Variants in CPA3 observed in about 807,000 individuals in gnomAD.
The protein encoded by CPA3 is mast cell carboxypeptidase A.
Under a neutral mutation model 55.8 loss-of-function variants are expected in CPA3, and 52 were observed. The ratio of observed to expected loss-of-function variants is 0.93; its 90% CI spans 0.75 to 1.17. The LOEUF is 1.17. Among genes scored for constraint, CPA3 ranks in the 50% most tolerant of loss-of-function variants. The pLI is 0.00. For missense variants in CPA3, 547 were observed against 509.1 expected (o/e 1.07, Z -0.72); for synonymous variants, 179 against 171.2 (o/e 1.05, Z -0.36).
intron 3 of CPA3, among the ~76,000 whole-genome samples, chr3:148,875,180 A>G (rs1006940763): frequency 9.9e-5 from 15 of 152,166 alleles, no homozygotes; most frequent in African/African-American, 3.6e-4. Flanking sequence ...TGTCCCAAAG[A>G]CTAGAGTGAA....
At chr3:148,892,851 G>T (rs572357995) in intron 10 of CPA3, among the ~76,000 whole-genome samples, 7 of 37,580 alleles carry the variant, frequency 1.9e-4, no homozygotes, top group African/African-American at 2.7e-4. Flanking sequence ...GGTGGCAGGC[G>T]CCTGTAGAGA....
intron 10 of CPA3, among the ~76,000 whole-genome samples, chr3:148,888,533 G>A (rs1486345516): frequency 1.3e-5 from 2 of 152,196 alleles, no homozygotes; most frequent in Non-Finnish European, 2.9e-5. Context: ...TGGACAAAAA[G>A]TAAGCAAAGT....
In CPA3 at chr3:148,879,834, G is replaced by A. The variant is rs1241362694; in HGVS notation, c.521G>A (p.Gly174Asp). ...ERRKAIFTDC[G>D]IHAREWVSPA... ...AGAAAGGCTATTTTTACGGATTGTG[G>A]CATTCACGCACGAGAATGGGTCTCC... The change falls in exon 6 of 11, where the codon GGC becomes GAC. Residue 174 changes from glycine (G) to aspartate (D), a missense_variant. Coordinates refer to ENST00000296046, the MANE Select transcript of CPA3 (RefSeq NM_001870.4). 2 of 1,612,670 alleles carry A rather than the reference G, an allele frequency of 1.2e-6. No individual in the cohort carries two copies. Among genetic ancestry groups the A allele is most frequent in the South Asian group, 1.1e-5 (1 of 91,012 alleles).
At chr3:148,869,411 G>A (rs1190979276) in intron 3 of CPA3, among the ~76,000 whole-genome samples, 1 of 151,970 alleles carries the variant, frequency 6.6e-6, no homozygotes, top group African/African-American at 2.4e-5. Context: ...AGCTACTGGC[G>A]CTGGCCTCCT....
intron 2 of CPA3, among the ~76,000 whole-genome samples, chr3:148,865,832 G>A (rs1653814758): frequency 6.6e-6 from 1 of 151,974 alleles, no homozygotes; most frequent in African/African-American, 2.4e-5. Flanking sequence ...TCCTTATCAG[G>A]GCATCTTTCT....
intron 10 of CPA3, among the ~76,000 whole-genome samples, chr3:148,894,935 C>T (rs1714784907): frequency 6.6e-6 from 1 of 152,152 alleles, no homozygotes; most frequent in African/African-American, 2.4e-5. Flanking sequence ...TCTGAGTTCC[C>T]ATTTAACAGT....
intron 3 of CPA3, among the ~76,000 whole-genome samples, chr3:148,872,153 T>C (rs1714083522): frequency 6.6e-6 from 1 of 152,168 alleles, no homozygotes; most frequent in African/African-American, 2.4e-5. Flanking sequence ...TACTTGTTTC[T>C]TTTTTTACTT....
intron 3 of CPA3, among the ~76,000 whole-genome samples, chr3:148,877,193 G>C (rs1714231713): frequency 6.6e-6 from 1 of 152,200 alleles, no homozygotes; most frequent in Admixed American, 6.5e-5. Context: ...GGCTCAGAAA[G>C]AGATGAAAAT....
rs146112739 is a variant in CPA3, at chr3:148,894,400, A to T, written c.1067-2120A>T. ...AAATCAATCAAATGGAATCCTAAAA[A>T]TGTCATGTAACCAAGAGGAAGGTGT... On this transcript the variant is annotated intron_variant, in intron 10 of 10. Coordinates refer to ENST00000296046, the MANE Select transcript of CPA3 (RefSeq NM_001870.4). Among the ~76,000 whole-genome samples the T allele has an allele frequency of 3.3e-5, 5 of 152,112 alleles. No individual in the cohort carries two copies. In the East Asian group the frequency reaches 9.6e-4, roughly 29 times the overall value.
chr3:148,881,482 A>G (rs1576582610), intron 6 of CPA3, 40 bp from the exon 7 acceptor site: 1 of 1,275,612 alleles, frequency 7.8e-7, no homozygotes, highest in Non-Finnish European at 1.1e-6. Flanking sequence ...TAATAGCTAA[A>G]CTTCATACCA....
intron 3 of CPA3, among the ~76,000 whole-genome samples, chr3:148,871,871 T>TTC (rs1714077148): frequency 1.3e-5 from 2 of 152,176 alleles, no homozygotes; most frequent in African/African-American, 4.8e-5. Context: ...AAGTACTAAT[T>TTC]ATATAGATAA....
At chr3:148,885,815 T>C (rs1367178706) in intron 9 of CPA3, among the ~76,000 whole-genome samples, 1 of 152,198 alleles carries the variant, frequency 6.6e-6, no homozygotes, top group Non-Finnish European at 1.5e-5. Context: ...TTGACTTTTT[T>C]CATCCCTAGT....
chr3:148,895,595 C>T (rs1714805014), intron 10 of CPA3, among the ~76,000 whole-genome samples: 1 of 152,168 alleles, frequency 6.6e-6, no homozygotes, highest in Non-Finnish European at 1.5e-5. Flanking sequence ...CAATTACTCT[C>T]CCCAGTGCCA....
chr3:148,885,810 T>A (rs1030715584), intron 9 of CPA3, among the ~76,000 whole-genome samples: 4 of 152,190 alleles, frequency 2.6e-5, no homozygotes, highest in Non-Finnish European at 4.4e-5. Flanking sequence ...TAAATTTGAC[T>A]TTTTTCATCC....
Position 148,878,514 on chromosome 3 carries a change from A to G in CPA3, c.343A>G (p.Ser115Gly). The G allele has an allele frequency of 1.2e-6, 2 of 1,613,412 alleles. No homozygotes were observed. Among genetic ancestry groups the G allele is most frequent in the Non-Finnish European group, 1.7e-6 (2 of 1,179,454 alleles). The change falls in exon 4 of 11, where the codon AGC becomes GGC. Residue 115 changes from serine (S) to glycine (G), a missense_variant. Coordinates refer to ENST00000296046, the MANE Select transcript of CPA3 (RefSeq NM_001870.4). Reference protein sequence around the residue: ...DVKEDIPGRHSYAKYNNWEKI... With the variant: ...DVKEDIPGRHGYAKYNNWEKI... ...TAAAGAAGATATCCCAGGCAGGCAC[A>G]GCTACGCAAAATACAATAATTGGGA... is the stretch of plus-strand genomic sequence containing the variant.
At chr3:148,871,078 T>C (rs1289243529) in intron 3 of CPA3, among the ~76,000 whole-genome samples, 1 of 152,196 alleles carries the variant, frequency 6.6e-6, no homozygotes, top group African/African-American at 2.4e-5. Context: ...TTTGTATTTT[T>C]AGTAAAGACG....
chr3:148,882,434 G>A (rs900933673), intron 7 of CPA3, 71 bp from the exon 8 acceptor site: 4 of 1,285,928 alleles, frequency 3.1e-6, no homozygotes, highest in Admixed American at 3.5e-5. Context: ...CCTGCAGAGA[G>A]AATTTGAAAT....
In CPA3 at chr3:148,867,097, T is replaced by G. The variant is rs1033984651; in HGVS notation, c.144+1549T>G. On this transcript the variant is annotated intron_variant, in intron 2 of 10. Coordinates refer to ENST00000296046, the MANE Select transcript of CPA3 (RefSeq NM_001870.4). The stretch of plus-strand genomic sequence containing the variant: ...GGTATTGGTATAGCATTCAAAGCGT[T>G]TTATGATCTGCCAAACTACCAGCCT... Among the ~76,000 whole-genome samples the G allele has an allele frequency of 2.0e-5, 3 of 152,170 alleles. No individual in the cohort carries two copies. The East Asian group carries it at 5.8e-4, about 29-fold the overall frequency.
intron 6 of CPA3, 53 bp downstream of exon 6, chr3:148,879,942 C>G: frequency 8.1e-7 from 1 of 1,230,952 alleles, no homozygotes; most frequent in East Asian, 2.3e-5. Flanking sequence ...GTCTCCAGCA[C>G]TTCACTAAGT....
Sources: allele counts gnomAD v4.1 joint callset (sites outside exome capture counted in the v4.1 genomes callset), GRCh38; gene constraint gnomAD v4.1.1; transcripts MANE v1.5; gene names NCBI Gene and HGNC (gene_info 2026-07-23, HGNC 2026-07-21).